CSMD1: variants seen among roughly 807,000 people sequenced by gnomAD.
The protein encoded by CSMD1 is CUB and Sushi multiple domains 1, also known as CUB and sushi domain-containing protein 1.
A neutral mutation model predicts 417.5 loss-of-function variants in CSMD1; 213 were observed. That is an observed-to-expected ratio of 0.51 (90% CI 0.46 to 0.57). CSMD1 has a LOEUF of 0.57. Among genes scored for constraint, CSMD1 ranks in the 20% least tolerant of loss-of-function variants. The pLI is 0.00. For missense variants in CSMD1, 6,923 were observed against 4,529.7 expected (o/e 1.53, Z -15.17); for synonymous variants, 2,862 against 1,736.8 (o/e 1.65, Z -16.11).
intron 7 of CSMD1, among the ~76,000 whole-genome samples, chr8:3,689,555 G>T (rs1021161785): frequency 1.7e-4 from 26 of 152,112 alleles, no homozygotes; most frequent in Admixed American, 1.7e-3. Flanking sequence ...TCCATTGACT[G>T]TGTCTTCAAC....
chr8:3,621,470 T>C (rs1220928482), intron 7 of CSMD1, among the ~76,000 whole-genome samples: 2 of 152,178 alleles, frequency 1.3e-5, no homozygotes, highest in East Asian at 3.9e-4. Context: ...TAAGGTGTTA[T>C]TGTGTAAAGT....
intron 5 of CSMD1, among the ~76,000 whole-genome samples, chr8:3,981,519 AAAAAAAG>A (rs1813866841): frequency 8.1e-6 from 1 of 124,058 alleles, no homozygotes; most frequent in Non-Finnish European, 1.8e-5. Context: ...AAAAAAAAAA[AAAAAAAG>A]AACATACAAT....
intron 5 of CSMD1, among the ~76,000 whole-genome samples, chr8:3,774,972 G>A (rs1489035706): frequency 6.6e-6 from 1 of 152,008 alleles, no homozygotes; most frequent in Admixed American, 6.6e-5. Flanking sequence ...ACACAGCAAT[G>A]CACTGGACAC....
chr8:4,983,663 C>G (rs942572933), intron 1 of CSMD1, among the ~76,000 whole-genome samples: 4 of 152,098 alleles, frequency 2.6e-5, no homozygotes, highest in African/African-American at 9.7e-5. Context: ...GCTTGGATTA[C>G]GGGTGCCAGC....
chr8:4,358,708 T>C (rs887895659), intron 3 of CSMD1, among the ~76,000 whole-genome samples: 2 of 152,220 alleles, frequency 1.3e-5, no homozygotes, highest in African/African-American at 4.8e-5. Context: ...CAGGTATTTG[T>C]AGCTTAATCA....
chr8:3,556,638 C>T (rs1042657988), intron 10 of CSMD1, among the ~76,000 whole-genome samples: 2 of 151,468 alleles, frequency 1.3e-5, no homozygotes, highest in African/African-American at 2.4e-5. Context: ...GTGGGGGCTG[C>T]CTGTGCCACC....
chr8:4,311,126 C>T lies in CSMD1; in HGVS notation c.415+108827G>A, dbSNP rs185251993. Among the ~76,000 whole-genome samples, 61 of 152,256 alleles carry T rather than the reference C, an allele frequency of 4.0e-4. No homozygotes were observed. The East Asian group carries it at 0.011, about 28-fold the overall frequency. ...AAGAGCTAGAAGCTGAACTGCCACT[C>T]AACCCAGCAATACCGTGACTGGCTG... On this transcript the variant is annotated intron_variant, in intron 3 of 69. Transcript: ENST00000635120.
At chr8:3,917,252 G>T (rs892798465) in intron 5 of CSMD1, among the ~76,000 whole-genome samples, 1 of 152,130 alleles carries the variant, frequency 6.6e-6, no homozygotes, top group Non-Finnish European at 1.5e-5. Context: ...CCTATGAGAT[G>T]CTGTTGAATG....
At chr8:3,981,978 T>G (rs1813905574) in intron 5 of CSMD1, among the ~76,000 whole-genome samples, 1 of 151,960 alleles carries the variant, frequency 6.6e-6, no homozygotes, top group Non-Finnish European at 1.5e-5. Context: ...GAGACCATCC[T>G]GGCTAACACG....
chr8:3,314,401 A>G (rs914939215), intron 23 of CSMD1, among the ~76,000 whole-genome samples: 6 of 152,272 alleles, frequency 3.9e-5, no homozygotes, highest in Middle Eastern at 3.4e-3. Flanking sequence ...AACTTTAAAA[A>G]CATACAGAAG....
chr8:4,001,811 G>C (rs908835936), intron 4 of CSMD1, among the ~76,000 whole-genome samples: 19 of 151,994 alleles, frequency 1.3e-4, no homozygotes, highest in Non-Finnish European at 2.4e-4. Context: ...GGGTAACTTT[G>C]TTGGGAAAGG....
chr8:4,006,349 G>C (rs1389345135), intron 4 of CSMD1, among the ~76,000 whole-genome samples: 4 of 152,164 alleles, frequency 2.6e-5, no homozygotes, highest in Non-Finnish European at 5.9e-5. Context: ...TTTGAGGCCA[G>C]CCTGGCCAAC....
intron 18 of CSMD1, among the ~76,000 whole-genome samples, chr8:3,370,915 G>C (rs1303420879): frequency 6.6e-6 from 1 of 152,036 alleles, no homozygotes; most frequent in Admixed American, 6.6e-5. Flanking sequence ...TGCGGAGGTT[G>C]CAGTGAGCTG....
intron 6 of CSMD1, among the ~76,000 whole-genome samples, chr8:3,726,137 C>A (rs528600409): frequency 6.6e-6 from 1 of 152,150 alleles, no homozygotes; most frequent in South Asian, 2.1e-4. Context: ...CTGCCAACAG[C>A]CATGCAGGCA....
intron 5 of CSMD1, among the ~76,000 whole-genome samples, chr8:3,858,554 C>T (rs1804471930): frequency 6.6e-6 from 1 of 152,160 alleles, no homozygotes; most frequent in South Asian, 2.1e-4. Context: ...GTGTTAACTG[C>T]ATAAATGGAC....
rs575492666 is a variant in CSMD1 at position 3,289,276 on chromosome 8, G to A, written c.3951-4930C>T. Among the ~76,000 whole-genome samples the A allele has an allele frequency of 1.4e-4, 21 of 147,042 alleles. 1 individual carries two copies. Among genetic ancestry groups the A allele is most frequent in the East Asian group, 1.2e-3 (6 of 5,084 alleles). Reference sequence around the variant, plus strand: ...CGTCTTTGCTATTGTGAATAGTGCCGCTATAAACATACGTGTGCATGTGTC... The same window carrying A: ...CGTCTTTGCTATTGTGAATAGTGCCACTATAAACATACGTGTGCATGTGTC... On this transcript the variant is annotated intron_variant, in intron 25 of 69. Coordinates refer to ENST00000635120, the MANE Select transcript of CSMD1 (RefSeq NM_033225.6).
At chr8:4,906,810 G>A (rs1420236587) in intron 1 of CSMD1, among the ~76,000 whole-genome samples, 2 of 152,230 alleles carry the variant, frequency 1.3e-5, no homozygotes, top group East Asian at 1.9e-4. Context: ...TGCCTGCCTC[G>A]GCCTCCCATA....
chr8:3,137,325 G>A (rs1222701945), intron 41 of CSMD1, among the ~76,000 whole-genome samples: 1 of 152,154 alleles, frequency 6.6e-6, no homozygotes, highest in Non-Finnish European at 1.5e-5. Context: ...ACAAATAAAG[G>A]CAAGCCCTGC....
At chr8:3,902,272 C>A (rs542299943) in intron 5 of CSMD1, among the ~76,000 whole-genome samples, 4 of 152,248 alleles carry the variant, frequency 2.6e-5, no homozygotes, top group African/African-American at 9.6e-5. Flanking sequence ...TTGATTAAGT[C>A]ATGCCCTCAC....
Sources: allele counts gnomAD v4.1 joint callset (sites outside exome capture counted in the v4.1 genomes callset), GRCh38; gene constraint gnomAD v4.1.1; transcripts MANE v1.5; gene names NCBI Gene and HGNC (gene_info 2026-07-23, HGNC 2026-07-21).